Variants in KCNIP4 observed in about 807,000 individuals in gnomAD.
KCNIP4 encodes the protein Kv channel-interacting protein 4.
Under a neutral mutation model 34.0 loss-of-function variants are expected in KCNIP4, and 12 were observed. That is an observed-to-expected ratio of 0.35 (90% confidence interval 0.23 to 0.57). The LOEUF (loss-of-function observed/expected upper bound fraction) is 0.57. Among genes scored for constraint, KCNIP4 ranks in the 20% least tolerant of loss-of-function variants. The pLI is 0.83. For missense variants in KCNIP4, 238 were observed against 311.7 expected (o/e 0.76, Z 1.78); for synonymous variants, 124 against 102.2 (o/e 1.21, Z -1.29).
At chr4:20,731,554 A>G in intron 8 of KCNIP4, 4 of 985,422 alleles carry the variant, frequency 4.1e-6, no homozygotes, top group Non-Finnish European at 4.8e-6. Flanking sequence ...TTTCTTGTCC[A>G]CATACACTAA....
At chr4:21,311,342 C>T (rs894295282) in intron 1 of KCNIP4, among the ~76,000 whole-genome samples, 4 of 152,126 alleles carry the variant, frequency 2.6e-5, no homozygotes, top group African/African-American at 7.2e-5. Context: ...AGCTGACCAC[C>T]ATCTTCACCA....
intron 1 of KCNIP4, among the ~76,000 whole-genome samples, chr4:21,330,747 T>A (rs754781502): frequency 6.6e-6 from 1 of 152,206 alleles, no homozygotes; most frequent in African/African-American, 2.4e-5. Flanking sequence ...ACTTGCTTAC[T>A]CTTACCTCAA....
In KCNIP4 at chr4:21,820,336, CAT is replaced by C. The variant is rs1560738834; in HGVS notation, c.61+128233_61+128234del. Among the ~76,000 whole-genome samples, 485 of 142,724 alleles carry C rather than the reference CAT, an allele frequency of 3.4e-3. 2 individuals carry two copies. The highest frequency in any genetic ancestry group is 0.012 in the African/African-American group (460 of 36,948). 93.6% of individuals were successfully genotyped at this position (142,724 alleles called of 152,430 possible). A position where few individuals can be genotyped will look rare whatever the true frequency, so the allele number is the denominator to read the frequency against. ...ATATATATATATATACATATATACA[CAT>C]ACACACACACACATACAGGCATGAA... On this transcript the variant is annotated intron_variant, in intron 1 of 8. Coordinates refer to ENST00000382152, the MANE Select transcript of KCNIP4 (RefSeq NM_025221.6).
At chr4:21,723,277 T>A (rs1226406099) in intron 1 of KCNIP4, among the ~76,000 whole-genome samples, 1 of 152,104 alleles carries the variant, frequency 6.6e-6, no homozygotes. Flanking sequence ...TTGAAGACCC[T>A]CCTTTGAGTG....
chr4:21,825,130 C>T (rs950288602), intron 1 of KCNIP4, among the ~76,000 whole-genome samples: 3 of 151,930 alleles, frequency 2.0e-5, no homozygotes, highest in Admixed American at 6.6e-5. Context: ...CAGGACTTGA[C>T]GTAAGTGGTA....
At chr4:21,278,477 G>A (rs1189367584) in intron 1 of KCNIP4, among the ~76,000 whole-genome samples, 1 of 152,072 alleles carries the variant, frequency 6.6e-6, no homozygotes, top group Non-Finnish European at 1.5e-5. Flanking sequence ...AGTATGCTAA[G>A]GATAATGGCC....
At position 20,875,207 on chromosome 4, in the gene KCNIP4, A is replaced by AT. The variant is rs532576356; in HGVS notation, c.163+7400dup. 1.8e-4 allele frequency among the ~76,000 whole-genome samples: 28 copies of AT among 152,260 alleles called. No homozygotes were observed. The East Asian group carries it at 4.1e-3, about 22-fold the overall frequency. ...GGTAAGTGGAAAAAGATCTAGTCAT[A>AT]TTTTTTTGTAAAACTGACCAGAACG... is the stretch of plus-strand genomic sequence containing the variant. On this transcript the variant is annotated intron_variant, in intron 2 of 8. Transcript: ENST00000382152.
At chr4:21,554,869 A>G (rs1484441100) in intron 1 of KCNIP4, among the ~76,000 whole-genome samples, 3 of 152,154 alleles carry the variant, frequency 2.0e-5, no homozygotes, top group Non-Finnish European at 4.4e-5. Flanking sequence ...AGAAACTAGC[A>G]CACTGCACAC....
intron 1 of KCNIP4, among the ~76,000 whole-genome samples, chr4:21,803,300 C>A (rs541967627): frequency 1.3e-5 from 2 of 152,222 alleles, no homozygotes; most frequent in East Asian, 3.9e-4. Flanking sequence ...CAAGAAGAGT[C>A]TACAACTCTC....
chr4:21,940,427 T>C (rs2109018812), intron 1 of KCNIP4, among the ~76,000 whole-genome samples: 1 of 152,320 alleles, frequency 6.6e-6, no homozygotes, highest in African/African-American at 2.4e-5. Flanking sequence ...CTTAACTCTG[T>C]TATGAGAATG....
chr4:21,480,336 A>T (rs1012863292), intron 1 of KCNIP4, among the ~76,000 whole-genome samples: 1 of 152,134 alleles, frequency 6.6e-6, no homozygotes, highest in Non-Finnish European at 1.5e-5. Context: ...AACAGACAAG[A>T]CTAGTTAGAA....
chr4:21,336,807 G>A lies in KCNIP4; in HGVS notation c.62-454098C>T, dbSNP rs150879097. ...AATTTTCAAGCTCCTTTCACCTTCC[G>A]TCCTACTTGACTTTATGATGCTCTC... On this transcript the variant is annotated intron_variant, in intron 1 of 8. Coordinates refer to ENST00000382152, the MANE Select transcript of KCNIP4 (RefSeq NM_025221.6). 2.8e-3 allele frequency among the ~76,000 whole-genome samples: 430 copies of A among 152,094 alleles called. 1 individual carries two copies. Among genetic ancestry groups the A allele is most frequent in the African/African-American group, 9.3e-3 (385 of 41,492 alleles).
At position 21,362,786 on chromosome 4, in the gene KCNIP4, G is replaced by A. The variant is rs925249255; in HGVS notation, c.62-480077C>T. ...TATTCTTGTATATTGTTTAACTGAA[G>A]GATGAAATTAAAGTTAGAAATGCAG... On this transcript the variant is annotated intron_variant, in intron 1 of 8. Transcript: ENST00000382152. Among the ~76,000 whole-genome samples, 6 of 152,198 alleles carry A rather than the reference G, an allele frequency of 3.9e-5. No individual in the cohort carries two copies. In the East Asian group the frequency reaches 1.2e-3, roughly 29 times the overall value.
intron 1 of KCNIP4, among the ~76,000 whole-genome samples, chr4:21,346,957 T>C (rs1452196315): frequency 1.3e-5 from 2 of 152,190 alleles, no homozygotes; most frequent in African/African-American, 2.4e-5. Flanking sequence ...GACTTAAACC[T>C]AACATCATTT....
At chr4:21,590,696 T>C (rs73252300) in intron 1 of KCNIP4, among the ~76,000 whole-genome samples, 10,017 of 152,070 alleles carry the variant, frequency 0.066, 476 homozygotes, top group African/African-American at 0.13. Context: ...CTAAGTTTAA[T>C]ATGTGATCCC....
intron 2 of KCNIP4, 39 bp from the exon 3 acceptor site, chr4:20,850,706 C>T (rs368451544): frequency 5.0e-6 from 8 of 1,602,006 alleles, no homozygotes; most frequent in Non-Finnish European, 6.8e-6. Context: ...GGACCAGCCA[C>T]TGCTCACCGA....
At chr4:21,021,900 GTATAGTA>G (rs1175224230) in intron 1 of KCNIP4, among the ~76,000 whole-genome samples, 2 of 149,880 alleles carry the variant, frequency 1.3e-5, no homozygotes, top group East Asian at 4.0e-4. Flanking sequence ...GTATAGTATA[GTATAGTA>G]TAGTACATAA....
Position 21,244,961 on chromosome 4 carries a change from T to C in KCNIP4, c.62-362252A>G, listed in dbSNP as rs536910023. On this transcript the variant is annotated intron_variant, in intron 1 of 8. Coordinates refer to ENST00000382152, the MANE Select transcript of KCNIP4 (RefSeq NM_025221.6). The stretch of plus-strand genomic sequence containing the variant: ...AAAGTCAACACTGATTGATAATTTG[T>C]CTGCATCTATTACATGAAAGCTATG... Among the ~76,000 whole-genome samples the C allele has an allele frequency of 1.4e-3, 213 of 152,324 alleles. 1 individual carries two copies. The highest frequency in any genetic ancestry group is 4.8e-3 in the African/African-American group (198 of 41,570).
chr4:21,881,222 C>T (rs973851116), intron 1 of KCNIP4, among the ~76,000 whole-genome samples: 2 of 151,890 alleles, frequency 1.3e-5, no homozygotes, highest in Non-Finnish European at 2.9e-5. Flanking sequence ...ATTTGTTTTC[C>T]GCTAAAGACA....
Sources: allele counts gnomAD v4.1 joint callset (sites outside exome capture counted in the v4.1 genomes callset), GRCh38; gene constraint gnomAD v4.1.1; transcripts MANE v1.5; gene names NCBI Gene and HGNC (gene_info 2026-07-23, HGNC 2026-07-21).